NR3C2: variants seen among roughly 807,000 people sequenced by gnomAD.
The protein encoded by NR3C2 is mineralocorticoid receptor.
A neutral mutation model predicts 86.4 loss-of-function variants in NR3C2; 15 were observed. The observed-to-expected ratio is 0.17, with a 90% CI of 0.12 to 0.27. The LOEUF is 0.27. NR3C2 is among the 10% of genes least tolerant of loss of function. The probability of loss-of-function intolerance (pLI) is 1.00; values close to 1 mark genes in which losing one functional copy is unlikely to be tolerated. For missense variants in NR3C2, 960 were observed against 1,195.6 expected, an observed-to-expected ratio of 0.80 and a Z score of 2.91; for synonymous variants, 458 against 450.5, an observed-to-expected ratio of 1.02 and a Z score of -0.21.
At chr4:148,275,656 C>A (rs1178648304) in intron 2 of NR3C2, among the ~76,000 whole-genome samples, 2 of 152,208 alleles carry the variant, frequency 1.3e-5, no homozygotes, top group African/African-American at 4.8e-5. Context: ...TCTCGAACTC[C>A]TGACCTCAGT....
chr4:148,195,804 G>C (rs1355984982), intron 3 of NR3C2, among the ~76,000 whole-genome samples: 3 of 152,294 alleles, frequency 2.0e-5, no homozygotes. Flanking sequence ...AGGGACACCA[G>C]GGTGAATGAG....
intron 3 of NR3C2, among the ~76,000 whole-genome samples, chr4:148,211,945 T>C (rs1737305537): frequency 6.6e-6 from 1 of 152,242 alleles, no homozygotes; most frequent in Non-Finnish European, 1.5e-5. Flanking sequence ...TCATTCTTCT[T>C]TCCCTTCTGG....
At chr4:148,176,514 C>CCT (rs1735382802) in intron 4 of NR3C2, among the ~76,000 whole-genome samples, 1 of 152,280 alleles carries the variant, frequency 6.6e-6, no homozygotes, top group South Asian at 2.1e-4. Context: ...TCCTGAGATG[C>CCT]CTCTACCTTT....
intron 4 of NR3C2, among the ~76,000 whole-genome samples, chr4:148,157,663 G>A (rs1270336161): frequency 6.6e-6 from 1 of 152,082 alleles, no homozygotes; most frequent in African/African-American, 2.4e-5. Flanking sequence ...CTGAGCTTAG[G>A]TATGTGAGAA....
rs536575335 is a variant in NR3C2, at chr4:148,292,450, TTA to T, written c.1758-32335_1758-32334del. Among the ~76,000 whole-genome samples, 72 of 152,240 alleles carry T rather than the reference TTA, an allele frequency of 4.7e-4. 1 individual carries two copies. In the South Asian group the frequency reaches 0.014, roughly 31 times the overall value. ...TGTCATGTTAATATTGCTAAAACCC[TTA>T]TGATATATAACACATATTAAAATAG... On this transcript the variant is annotated intron_variant, in intron 2 of 8. Coordinates refer to ENST00000358102, the MANE Select transcript of NR3C2 (RefSeq NM_000901.5).
chr4:148,293,291 T>C (rs776442735), intron 2 of NR3C2, among the ~76,000 whole-genome samples: 2 of 152,190 alleles, frequency 1.3e-5, no homozygotes, highest in Non-Finnish European at 2.9e-5. Flanking sequence ...ATTTCTCACT[T>C]GGGCATGTGC....
At chr4:148,359,819 T>C (rs1297767515) in intron 2 of NR3C2, among the ~76,000 whole-genome samples, 1 of 152,124 alleles carries the variant, frequency 6.6e-6, no homozygotes, top group Non-Finnish European at 1.5e-5. Context: ...TTATAAACCT[T>C]AAGAATGGCA....
chr4:148,329,818 CG>C (rs1744145528), intron 2 of NR3C2, among the ~76,000 whole-genome samples: 2 of 152,176 alleles, frequency 1.3e-5, no homozygotes, highest in Non-Finnish European at 2.9e-5. Flanking sequence ...GTTAAAAATA[CG>C]GAGTGATTTT....
chr4:148,135,885 G>A (rs1032182996), intron 6 of NR3C2, among the ~76,000 whole-genome samples: 1 of 149,290 alleles, frequency 6.7e-6, no homozygotes, highest in Admixed American at 6.7e-5. Context: ...GTGAAACCCC[G>A]TCTCTACTAA....
At chr4:148,165,483 CT>C (rs1734839382) in intron 4 of NR3C2, among the ~76,000 whole-genome samples, 2 of 152,058 alleles carry the variant, frequency 1.3e-5, no homozygotes, top group Admixed American at 1.3e-4. Flanking sequence ...GTTCAACAGT[CT>C]TTCTGTGAAA....
chr4:148,441,764 C>A (rs1281511326), intron 1 of NR3C2, among the ~76,000 whole-genome samples: 2 of 152,328 alleles, frequency 1.3e-5, no homozygotes, highest in East Asian at 3.9e-4. Flanking sequence ...CTTCAACTGC[C>A]CTTATGCGCT....
At chr4:148,343,043 G>A (rs1431070341) in intron 2 of NR3C2, among the ~76,000 whole-genome samples, 1 of 152,052 alleles carries the variant, frequency 6.6e-6, no homozygotes, top group Non-Finnish European at 1.5e-5. Context: ...TATGGTAGCT[G>A]GATACAGAAT....
At position 148,154,628 on chromosome 4, in the gene NR3C2, T is replaced by C; in HGVS notation, c.2288A>G (p.Glu763Gly). 6.2e-7 allele frequency: 1 copy of C among 1,614,196 alleles called. No individual in the cohort carries two copies. Among genetic ancestry groups the C allele is most frequent in the Non-Finnish European group, 8.5e-7 (1 of 1,180,026 alleles). ...GYDSSKPDTAENLLSTLNRLA... is the reference protein window; with the variant it reads ...GYDSSKPDTAGNLLSTLNRLA... ...GCGGTTGAGCGTGGAGAGCAGATTT[T>C]CGGCTGTATCTGGTTTTGAGCTGTC... is the stretch of plus-strand genomic sequence containing the variant. Residue 763 changes from glutamate (E) to glycine (G), a missense_variant, in exon 5 of 9, where the codon GAA becomes GGA. Physicochemically the swap from Glu to Gly is moderately conservative, Grantham distance 98 (BLOSUM62 -2). Coordinates refer to ENST00000358102, the MANE Select transcript of NR3C2 (RefSeq NM_000901.5).
intron 7 of NR3C2, among the ~76,000 whole-genome samples, chr4:148,118,698 C>A (rs1330870607): frequency 1.3e-5 from 2 of 152,186 alleles, no homozygotes; most frequent in Non-Finnish European, 2.9e-5. Context: ...TTACACGCCA[C>A]ACAATCTGCT....
At chr4:148,371,876 G>T (rs909921311) in intron 2 of NR3C2, among the ~76,000 whole-genome samples, 23 of 152,132 alleles carry the variant, frequency 1.5e-4, no homozygotes, top group Admixed American at 2.0e-4. Flanking sequence ...AGAATGAGTA[G>T]AGGGAGACCG....
At chr4:148,089,870 C>T (rs887954627) in intron 8 of NR3C2, among the ~76,000 whole-genome samples, 4 of 152,234 alleles carry the variant, frequency 2.6e-5, no homozygotes, top group Non-Finnish European at 4.4e-5. Flanking sequence ...CTCGGGACCT[C>T]GATGCCCTGG....
Position 148,436,153 on chromosome 4 carries a change from T to A in NR3C2, c.708A>T (p.Thr236=), listed in dbSNP as rs986996691. 7 of 1,613,998 alleles carry A rather than the reference T, an allele frequency of 4.3e-6. No individual in the cohort carries two copies. The African/African-American group carries it at 5.3e-5, about 12-fold the overall frequency. ...HSPITQGTPL[T]CSPNVENRGS... ...CTCGATTTTCAACATTAGGGGAGCA[T>A]GTCAGAGGAGTTCCCTGGGTGATTG... The change falls in exon 2 of 9, where the codon ACA becomes ACT. Residue 236 remains threonine (T), a synonymous_variant. Coordinates refer to ENST00000358102, the MANE Select transcript of NR3C2 (RefSeq NM_000901.5).
At chr4:148,215,929 A>G (rs920154421) in intron 3 of NR3C2, among the ~76,000 whole-genome samples, 3 of 150,844 alleles carry the variant, frequency 2.0e-5, no homozygotes, top group African/African-American at 5.0e-5. Context: ...ATAGGCGCCC[A>G]CCACCACGCC....
chr4:148,343,399 GC>G (rs1003156032), intron 2 of NR3C2, among the ~76,000 whole-genome samples: 2 of 123,566 alleles, frequency 1.6e-5, no homozygotes, highest in East Asian at 2.2e-4. Flanking sequence ...CGGGATATCC[GC>G]CCCCCCGACC....
Sources: allele counts gnomAD v4.1 joint callset (sites outside exome capture counted in the v4.1 genomes callset), GRCh38; gene constraint gnomAD v4.1.1; transcripts MANE v1.5; gene names NCBI Gene and HGNC (gene_info 2026-07-23, HGNC 2026-07-21).